RBFOX1: variants seen among roughly 807,000 people sequenced by gnomAD.
RBFOX1 encodes RNA binding fox-1 homolog 1, also known as RNA binding protein fox-1 homolog 1.
A neutral mutation model predicts 57.7 loss-of-function variants in RBFOX1; 8 were observed. That is an observed-to-expected ratio of 0.14 (90% CI 0.08 to 0.25). RBFOX1 has a LOEUF of 0.25. Ranked by LOEUF, RBFOX1 falls within the 10% of genes least tolerant of loss-of-function variation. The pLI is 1.00. For missense variants in RBFOX1, 611 were observed against 548.5 expected, an observed-to-expected ratio of 1.11 and a Z score of -1.14; for synonymous variants, 326 against 222.4, an observed-to-expected ratio of 1.47 and a Z score of -4.15.
At chr16:7,510,456 T>A in intron 4 of RBFOX1, 1 of 655,662 alleles carries the variant, frequency 1.5e-6, no homozygotes, top group Non-Finnish European at 1.9e-6. Context: ...AGAGGAGTTT[T>A]GGTGAAGAGA....
intron 2 of RBFOX1, among the ~76,000 whole-genome samples, chr16:6,344,573 A>G (rs1044875949): frequency 1.7e-4 from 24 of 143,960 alleles, no homozygotes; most frequent in African/African-American, 6.0e-4. Context: ...AATTTTTTGT[A>G]TTTTTAGTAG....
rs575379266 is a variant in RBFOX1, at chr16:5,536,326, C to T, written c.259-62576C>T. Among the ~76,000 whole-genome samples the T allele has an allele frequency of 5.4e-5, 8 of 148,728 alleles. No individual in the cohort carries two copies. The East Asian group carries it at 1.6e-3, about 29-fold the overall frequency. ...CTTGACTCAGCACAGCCTCCTCCTGCTGGGTTCAAGCGATTCTCCTGCCTC... is the reference window on the plus strand; with the variant it reads ...CTTGACTCAGCACAGCCTCCTCCTGTTGGGTTCAAGCGATTCTCCTGCCTC... On this transcript the variant is annotated intron_variant, in intron 2 of 2. Transcript: ENST00000585867.
At chr16:6,754,255 G>C (rs1164912263) in intron 3 of RBFOX1, among the ~76,000 whole-genome samples, 1 of 152,060 alleles carries the variant, frequency 6.6e-6, no homozygotes, top group African/African-American at 2.4e-5. Flanking sequence ...GCTTTATTCA[G>C]ATCAATTTCC....
intron 3 of RBFOX1, among the ~76,000 whole-genome samples, chr16:7,037,611 C>G (rs911363296): frequency 2.0e-5 from 3 of 152,170 alleles, no homozygotes; most frequent in Non-Finnish European, 2.9e-5. Flanking sequence ...TGAAAAGGCA[C>G]GTTATATAGT....
intron 2 of RBFOX1, among the ~76,000 whole-genome samples, chr16:5,530,144 C>T (rs1204188157): frequency 6.6e-6 from 1 of 152,138 alleles, no homozygotes; most frequent in Admixed American, 6.5e-5. Context: ...GTCTCATACA[C>T]CCTTAGAGCC....
At chr16:6,263,587 G>C (rs1188261388) in intron 1 of RBFOX1, among the ~76,000 whole-genome samples, 1 of 152,130 alleles carries the variant, frequency 6.6e-6, no homozygotes, top group East Asian at 1.9e-4. Context: ...AATTCAACAA[G>C]AACTAGTCTC....
rs768416547 is a variant in RBFOX1 at position 7,216,672 on chromosome 16, TAAAA to T, written c.27+164577_27+164580del. 6.3e-3 allele frequency among the ~76,000 whole-genome samples: 478 copies of T among 75,370 alleles called. 2 individuals carry two copies. The highest frequency in any genetic ancestry group is 0.011 in the Non-Finnish European group (335 of 30,690). The allele number at this position is 75,370 out of a possible 152,430, so 49.4% of individuals were successfully genotyped here. On this transcript the variant is annotated intron_variant, in intron 4 of 15. Transcript: ENST00000550418. ...GACTCCGTCAAAATAAAATAAAAAT[TAAAA>T]AACCCACAAACAAACCGAGACAATG...
In RBFOX1 at chr16:5,738,607, C is replaced by G. The variant is rs535887550; in HGVS notation, c.319-128696C>G. On this transcript the variant is annotated intron_variant, in intron 3 of 19. Coordinates refer to the RBFOX1 transcript ENST00000641259. The stretch of plus-strand genomic sequence containing the variant: ...CGAGATTGCACAACTGTACTGCAGC[C>G]TGGGCGACAGAGCAAGGCTCTGTCT... Among the ~76,000 whole-genome samples the G allele has an allele frequency of 6.6e-5, 9 of 136,732 alleles. No individual in the cohort carries two copies. The South Asian group carries it at 2.1e-3, about 32-fold the overall frequency. The allele number at this position is 136,732 out of a possible 152,430, so 89.7% of individuals were successfully genotyped here.
intron 3 of RBFOX1, among the ~76,000 whole-genome samples, chr16:5,715,888 G>T (rs985173134): frequency 2.0e-5 from 3 of 152,182 alleles, no homozygotes; most frequent in Non-Finnish European, 2.9e-5. Flanking sequence ...AATATTTGTT[G>T]AGTGGTGCAG....
chr16:7,534,425 C>G (rs538645719), intron 5 of RBFOX1, among the ~76,000 whole-genome samples: 1 of 151,944 alleles, frequency 6.6e-6, no homozygotes, highest in Non-Finnish European at 1.5e-5. Flanking sequence ...TGAGGACACA[C>G]AATAGAGCCA....
chr16:6,520,369 G>A (rs2096475018), intron 2 of RBFOX1, among the ~76,000 whole-genome samples: 1 of 152,098 alleles, frequency 6.6e-6, no homozygotes, highest in African/African-American at 2.4e-5. Context: ...TTCTTAGAGG[G>A]TCCTAATGAG....
At chr16:6,718,128 C>T (rs1175338751) in intron 3 of RBFOX1, among the ~76,000 whole-genome samples, 2 of 152,194 alleles carry the variant, frequency 1.3e-5, no homozygotes, top group Non-Finnish European at 2.9e-5. Flanking sequence ...TACAGAAGAC[C>T]TGATCACTGA....
At chr16:5,717,221 G>T (rs2051736957) in intron 3 of RBFOX1, among the ~76,000 whole-genome samples, 1 of 152,048 alleles carries the variant, frequency 6.6e-6, no homozygotes, top group South Asian at 2.1e-4. Context: ...TATTATGGTT[G>T]TTTTCAAAAG....
chr16:6,059,771 A>G (rs1201183855), intron 1 of RBFOX1, among the ~76,000 whole-genome samples: 1 of 152,150 alleles, frequency 6.6e-6, no homozygotes, highest in Non-Finnish European at 1.5e-5. Flanking sequence ...CACCATTCAG[A>G]TAATGTACAT....
At chr16:5,552,146 C>CTT (rs1307618856) in intron 2 of RBFOX1, among the ~76,000 whole-genome samples, 7 of 152,168 alleles carry the variant, frequency 4.6e-5, no homozygotes, top group South Asian at 2.1e-4. Context: ...GTGGCCAGAA[C>CTT]TTAACGCAAG....
At chr16:7,266,843 T>C (rs1224531740) in intron 4 of RBFOX1, among the ~76,000 whole-genome samples, 3 of 152,248 alleles carry the variant, frequency 2.0e-5, no homozygotes, top group African/African-American at 7.2e-5. Context: ...GGAAACTGTT[T>C]TCAGGGAAGG....
intron 4 of RBFOX1, among the ~76,000 whole-genome samples, chr16:7,233,742 CAT>C (rs1456259932): frequency 1.3e-5 from 2 of 152,152 alleles, no homozygotes; most frequent in Non-Finnish European, 2.9e-5. Flanking sequence ...GTCAGAGAAA[CAT>C]AACAACATTT....
At chr16:7,172,614 A>C (rs1250676452) in intron 4 of RBFOX1, among the ~76,000 whole-genome samples, 1 of 152,048 alleles carries the variant, frequency 6.6e-6, no homozygotes, top group Non-Finnish European at 1.5e-5. Context: ...AAAAAAGAAA[A>C]CTCTCTCTTA....
chr16:5,849,063 A>T (rs1203630432), intron 3 of RBFOX1, among the ~76,000 whole-genome samples: 1 of 152,170 alleles, frequency 6.6e-6, no homozygotes, highest in Non-Finnish European at 1.5e-5. Flanking sequence ...GGGAGAGTAG[A>T]AAACCCAGGT....
Sources: gnomAD v4.1 joint callset for allele counts (sites outside exome capture counted in the v4.1 genomes callset) on GRCh38, gnomAD v4.1.1 for gene constraint, MANE v1.5 for transcripts, NCBI Gene and HGNC (gene_info 2026-07-23, HGNC 2026-07-21) for gene names.